NSF: variants seen among roughly 807,000 people sequenced by gnomAD.
NSF encodes N-ethylmaleimide sensitive factor, vesicle fusing ATPase, also known as vesicle-fusing ATPase.
NSF carries 14 observed loss-of-function variants against 50.3 expected under a neutral mutation model. The ratio of observed to expected loss-of-function variants is 0.28; its 90% CI spans 0.18 to 0.44. The LOEUF (loss-of-function observed/expected upper bound fraction) is 0.44. Ranked by LOEUF, NSF falls within the 20% of genes least tolerant of loss-of-function variation. The pLI is 1.00. For missense variants in NSF, 218 were observed against 504.3 expected, an observed-to-expected ratio of 0.43 and a Z score of 5.44; for synonymous variants, 109 against 175.7, an observed-to-expected ratio of 0.62 and a Z score of 3.00.
intron 16 of NSF, among the ~76,000 whole-genome samples, chr17:46,727,832 T>C (rs1027815273): frequency 2.0e-5 from 3 of 152,192 alleles, no homozygotes; most frequent in Non-Finnish European, 4.4e-5. Context: ...TGAATAGTTA[T>C]CATCTGTGCA....
chr17:46,714,093 GTTC>G (rs1375854565), intron 15 of NSF, 107 bp downstream of exon 15: 2 of 1,237,532 alleles, frequency 1.6e-6, no homozygotes, highest in Admixed American at 3.6e-5. Context: ...TAGCAACTAT[GTTC>G]TTCTCAAGTG....
At chr17:46,732,751 T>C (rs541857856) in intron 17 of NSF, among the ~76,000 whole-genome samples, 80 of 152,288 alleles carry the variant, frequency 5.3e-4, no homozygotes, top group African/African-American at 1.9e-3. Context: ...GTTCCCTAGG[T>C]CTTTATTTCA....
intron 13 of NSF, among the ~76,000 whole-genome samples, chr17:46,709,366 T>G (rs541226550): frequency 6.6e-6 from 1 of 152,172 alleles, no homozygotes; most frequent in African/African-American, 2.4e-5. Flanking sequence ...TTATGGGATA[T>G]GTAAGGAAGA....
At chr17:46,734,078 C>A (rs2058976585) in intron 17 of NSF, among the ~76,000 whole-genome samples, 3 of 152,108 alleles carry the variant, frequency 2.0e-5, no homozygotes, top group Non-Finnish European at 4.4e-5. Flanking sequence ...TTCATGTAGT[C>A]CTTACATGAC....
At position 46,737,160 on chromosome 17, in the gene NSF, G is replaced by A. The variant is rs181354129; in HGVS notation, c.1908+8226G>A. 2.7e-3 allele frequency among the ~76,000 whole-genome samples: 411 copies of A among 152,194 alleles called. 9 individuals are homozygous for A. Among genetic ancestry groups the A allele is most frequent in the Admixed American group, 0.026 (390 of 15,284 alleles). The stretch of plus-strand genomic sequence containing the variant: ...AAGACATTGTACCTGCCCTCAGATG[G>A]CTCATAGTCCAAGAACACTGTTCAA... On this transcript the variant is annotated intron_variant, in intron 17 of 20. Coordinates refer to ENST00000398238, the MANE Select transcript of NSF (RefSeq NM_006178.4).
At chr17:46,601,977 A>T (rs1375543598) in intron 1 of NSF, among the ~76,000 whole-genome samples, 1 of 144,998 alleles carries the variant, frequency 6.9e-6, no homozygotes, top group Non-Finnish European at 1.5e-5. Context: ...TGAAGCCAGG[A>T]GTTCAAGGCC....
At chr17:46,622,258 C>G (rs1339845803) in intron 1 of NSF, among the ~76,000 whole-genome samples, 7 of 144,014 alleles carry the variant, frequency 4.9e-5, no homozygotes, top group Admixed American at 3.5e-4. Context: ...GAGATCGAGA[C>G]CAGCCTGGCT....
chr17:46,703,830 GTAAAAC>G (rs1405076678), intron 12 of NSF, among the ~76,000 whole-genome samples: 1 of 140,938 alleles, frequency 7.1e-6, no homozygotes, highest in African/African-American at 2.6e-5. Flanking sequence ...TTTTCATCTT[GTAAAAC>G]TAAAACTCCA....
chr17:46,724,250 A>G (rs1266849204), intron 15 of NSF, among the ~76,000 whole-genome samples: 8 of 152,222 alleles, frequency 5.3e-5, no homozygotes, highest in Non-Finnish European at 1.2e-4. Flanking sequence ...TTAAGAGTCA[A>G]GATAGGCTGA....
chr17:46,659,964 TACCCAATG>T (rs2058288507), intron 8 of NSF, among the ~76,000 whole-genome samples: 1 of 94,846 alleles, frequency 1.1e-5, no homozygotes. Flanking sequence ...CCTCCTTTAC[TACCCAATG>T]AGCAAAGAAT....
intron 17 of NSF, among the ~76,000 whole-genome samples, chr17:46,737,226 A>C (rs1419937866): frequency 6.6e-6 from 1 of 152,212 alleles, no homozygotes; most frequent in East Asian, 1.9e-4. Context: ...GTCAAGTAGC[A>C]AATGAAGGTT....
intron 17 of NSF, among the ~76,000 whole-genome samples, chr17:46,749,197 G>T (rs1222315313): frequency 3.3e-5 from 5 of 152,104 alleles, no homozygotes; most frequent in Non-Finnish European, 5.9e-5. Context: ...AACTGAGAAT[G>T]GTAGCATAAG....
chr17:46,756,599 A>G lies in NSF; in HGVS notation c.*776A>G, dbSNP rs1412874880. The G allele has an allele frequency of 2.0e-5, 3 of 152,656 alleles. No homozygotes were observed. The highest frequency in any genetic ancestry group is 7.2e-5 in the African/African-American group (3 of 41,470). The allele number at this position is 152,656 out of a possible 1,614,324, so 9.5% of individuals were successfully genotyped here. Reference sequence around the variant, plus strand: ...AAAAAGCATACACCCCCAAACAGAAAGGAGTTATTAAAGTAATTTACAAAC... The same window carrying G: ...AAAAAGCATACACCCCCAAACAGAAGGGAGTTATTAAAGTAATTTACAAAC... On this transcript the variant is annotated 3_prime_UTR_variant, in exon 21 of 21. Coordinates refer to ENST00000398238, the MANE Select transcript of NSF (RefSeq NM_006178.4).
At chr17:46,713,753 G>A (rs2058741055) in intron 14 of NSF, 100 bp from the exon 15 acceptor site, 1 of 1,094,554 alleles carries the variant, frequency 9.1e-7, no homozygotes, top group Non-Finnish European at 1.3e-6. Flanking sequence ...TGAGCAACTA[G>A]TCGAGACCTC....
At position 46,719,841 on chromosome 17, in the gene NSF, A is replaced by G. The variant is rs2058810223; in HGVS notation, c.1761+5855A>G. ...AGTAGAGATGAAGTAGAACAATCAG[A>G]TAGAACTAAATTGTTTGAACAAAAT... On this transcript the variant is annotated intron_variant, in intron 15 of 20. Coordinates refer to ENST00000398238, the MANE Select transcript of NSF (RefSeq NM_006178.4). This position sits in a 1 kb window ranked among gnomAD's most constrained non-coding sequence, Gnocchi z 4.3. Among the ~76,000 whole-genome samples, 1 of 152,238 alleles carries G rather than the reference A, an allele frequency of 6.6e-6. No homozygotes were observed. The highest frequency in any genetic ancestry group is 2.4e-5 in the African/African-American group (1 of 41,466).
intron 15 of NSF, among the ~76,000 whole-genome samples, chr17:46,724,927 A>G (rs1290916794): frequency 6.6e-6 from 1 of 152,156 alleles, no homozygotes; most frequent in Non-Finnish European, 1.5e-5. Flanking sequence ...CTTCAATCAG[A>G]TATCTCCAAC....
At chr17:46,712,348 G>A (rs915594740) in intron 14 of NSF, among the ~76,000 whole-genome samples, 4 of 152,146 alleles carry the variant, frequency 2.6e-5, no homozygotes, top group Non-Finnish European at 4.4e-5. Context: ...AGTCCTCCAA[G>A]GGTAGATGCT....
chr17:46,726,782 G>C (rs1041207472), intron 16 of NSF, among the ~76,000 whole-genome samples, 167 bp downstream of exon 16: 1 of 152,182 alleles, frequency 6.6e-6, no homozygotes, highest in African/African-American at 2.4e-5. Context: ...TGACATCAAT[G>C]ATAGTATTCA....
intron 19 of NSF, 100 bp downstream of exon 19, chr17:46,751,716 G>A (rs2059183530): frequency 6.2e-6 from 4 of 647,682 alleles, no homozygotes; most frequent in Non-Finnish European, 7.4e-6. Flanking sequence ...ATTAATTTAA[G>A]TTTTGATTTT....
Sources: gnomAD v4.1 joint callset for allele counts (sites outside exome capture counted in the v4.1 genomes callset) on GRCh38, gnomAD v4.1.1 for gene constraint, Gnocchi (gnomAD v3.1) non-coding constraint, MANE v1.5 for transcripts, NCBI Gene and HGNC (gene_info 2026-07-23, HGNC 2026-07-21) for gene names.